The following SLC25A26 variants were observed in gnomAD, a reference collection of about 807,000 sequenced individuals.
The protein encoded by SLC25A26 is solute carrier family 25 member 26, also known as mitochondrial S-adenosylmethionine carrier protein.
SLC25A26 carries 36 observed loss-of-function variants against 37.8 expected under a neutral mutation model. That is an observed-to-expected ratio of 0.95 (90% CI 0.73 to 1.26). The LOEUF (loss-of-function observed/expected upper bound fraction) is 1.26, where lower values mean the gene tolerates loss of function less well. Among genes scored for constraint, SLC25A26 ranks in the 50% most tolerant of loss-of-function variants. SLC25A26 has a pLI of 0.00. For synonymous variants in SLC25A26, 129 were observed against 122.5 expected (o/e 1.05, Z -0.35); for missense variants, 390 against 331.1 (o/e 1.18, Z -1.38).
intron 1 of SLC25A26, among the ~76,000 whole-genome samples, chr3:66,202,216 A>T (rs1207653352): frequency 6.6e-6 from 1 of 152,142 alleles, no homozygotes; most frequent in Non-Finnish European, 1.5e-5. Flanking sequence ...TTGCAGGGAC[A>T]TGGATAAAGC....
chr3:66,194,662 T>C (rs909686710), intron 1 of SLC25A26, among the ~76,000 whole-genome samples: 6 of 152,236 alleles, frequency 3.9e-5, no homozygotes, highest in Non-Finnish European at 8.8e-5. Context: ...TGGAGTGCAA[T>C]GGCACGATCT....
chr3:66,150,252 C>A (rs1392511582), intron 1 of SLC25A26, among the ~76,000 whole-genome samples: 1 of 151,718 alleles, frequency 6.6e-6, no homozygotes, highest in Non-Finnish European at 1.5e-5. Context: ...AATCCCAGTA[C>A]TTTGGGAGGC....
chr3:66,211,496 G>A (rs1036329566), intron 1 of SLC25A26, among the ~76,000 whole-genome samples: 4 of 152,088 alleles, frequency 2.6e-5, no homozygotes, highest in Non-Finnish European at 4.4e-5. Context: ...GGGGTCTTGC[G>A]GCTCTTAATA....
chr3:66,162,385 C>A (rs1576604653), intron 1 of SLC25A26, among the ~76,000 whole-genome samples: 2 of 139,174 alleles, frequency 1.4e-5, no homozygotes, highest in Admixed American at 1.5e-4. Flanking sequence ...GAGGGGGGTG[C>A]ACAACTGAGC....
chr3:66,209,905 TATATA>T (rs2071259193), intron 1 of SLC25A26, among the ~76,000 whole-genome samples: 3 of 19,732 alleles, frequency 1.5e-4, no homozygotes, highest in Non-Finnish European at 2.8e-4. Flanking sequence ...TATTTATATA[TATATA>T]TATATATATA....
At chr3:66,280,052 G>T (rs1250812272) in intron 5 of SLC25A26, among the ~76,000 whole-genome samples, 1 of 152,170 alleles carries the variant, frequency 6.6e-6, no homozygotes, top group Non-Finnish European at 1.5e-5. Context: ...AGACTCTGCT[G>T]ATTTATCTTT....
chr3:66,366,051 C>T (rs942114626), intron 7 of SLC25A26, among the ~76,000 whole-genome samples: 2 of 152,136 alleles, frequency 1.3e-5, no homozygotes, highest in Admixed American at 1.3e-4. Flanking sequence ...TGCATTTGTT[C>T]CCCAAGGAAA....
chr3:66,238,421 C>T (rs1241837326), intron 2 of SLC25A26, among the ~76,000 whole-genome samples: 2 of 151,770 alleles, frequency 1.3e-5, no homozygotes, highest in Admixed American at 1.3e-4. Flanking sequence ...GCTGTGTCAC[C>T]CCCCAGGCTG....
At chr3:66,364,048 C>T (rs1462331982) in intron 7 of SLC25A26, among the ~76,000 whole-genome samples, 1 of 151,944 alleles carries the variant, frequency 6.6e-6, no homozygotes, top group Non-Finnish European at 1.5e-5. Flanking sequence ...TCTCCTGGGC[C>T]CTGGGGACAA....
At chr3:66,247,409 G>A (rs190602345) in intron 3 of SLC25A26, among the ~76,000 whole-genome samples, 9 of 152,220 alleles carry the variant, frequency 5.9e-5, no homozygotes, top group East Asian at 1.9e-4. Flanking sequence ...CTGGGCTCAC[G>A]TGATCCTCTC....
At chr3:66,320,548 G>A (rs913522455) in intron 5 of SLC25A26, among the ~76,000 whole-genome samples, 6 of 152,152 alleles carry the variant, frequency 3.9e-5, no homozygotes, top group African/African-American at 1.4e-4. Flanking sequence ...TGTGAACAAT[G>A]GTATGCAAGG....
At chr3:66,318,994 T>C (rs1257350736) in intron 5 of SLC25A26, among the ~76,000 whole-genome samples, 2 of 152,196 alleles carry the variant, frequency 1.3e-5, no homozygotes, top group Non-Finnish European at 2.9e-5. Flanking sequence ...ATTGCCCGTA[T>C]TGTGACTTGC....
At chr3:66,178,472 C>A (rs2070632429) in intron 1 of SLC25A26, among the ~76,000 whole-genome samples, 1 of 152,102 alleles carries the variant, frequency 6.6e-6, no homozygotes, top group African/African-American at 2.4e-5. Context: ...CAGACGTTGT[C>A]CCTTGTTGTC....
At chr3:66,231,095 A>G (rs1051609906) in intron 1 of SLC25A26, among the ~76,000 whole-genome samples, 2 of 152,198 alleles carry the variant, frequency 1.3e-5, no homozygotes, top group African/African-American at 2.4e-5. Flanking sequence ...GAATCGCTTG[A>G]ACCTGGGAGG....
intron 5 of SLC25A26, among the ~76,000 whole-genome samples, chr3:66,311,132 C>T (rs2075364915): frequency 6.6e-6 from 1 of 152,154 alleles, no homozygotes; most frequent in African/African-American, 2.4e-5. Flanking sequence ...GTACACCAAT[C>T]AATCGTAGGT....
At chr3:66,299,530 A>C (rs143504743) in intron 5 of SLC25A26, among the ~76,000 whole-genome samples, 1 of 152,276 alleles carries the variant, frequency 6.6e-6, no homozygotes, top group East Asian at 1.9e-4. Flanking sequence ...ACTAATATTT[A>C]ACTACTTGTA....
intron 5 of SLC25A26, among the ~76,000 whole-genome samples, chr3:66,277,458 G>T (rs370803213): frequency 1.3e-5 from 2 of 152,014 alleles, no homozygotes; most frequent in Admixed American, 6.6e-5. Context: ...GGGAGATGTT[G>T]TTCAAAGGGT....
rs144222375 is a variant in SLC25A26, at chr3:66,235,161, A to G, written c.34-1383A>G. On this transcript the variant is annotated intron_variant, in intron 1 of 9. Transcript: ENST00000354883. ...ATGATCCTTGTGAATCTAGATCTGTATTTTAATAATCACACATGTAAGGAT... is the reference window on the plus strand; with the variant it reads ...ATGATCCTTGTGAATCTAGATCTGTGTTTTAATAATCACACATGTAAGGAT... Among the ~76,000 whole-genome samples, 4 of 152,310 alleles carry G rather than the reference A, an allele frequency of 2.6e-5. No homozygotes were observed. In the East Asian group the frequency reaches 5.8e-4, roughly 22 times the overall value.
intron 2 of SLC25A26, among the ~76,000 whole-genome samples, chr3:66,237,782 C>T (rs1013526666): frequency 2.6e-5 from 4 of 152,148 alleles, no homozygotes; most frequent in African/African-American, 7.2e-5. Context: ...ATATAAGACA[C>T]ACCCACAAAA....
Sources: gnomAD v4.1 joint callset for allele counts (sites outside exome capture counted in the v4.1 genomes callset) on GRCh38, gnomAD v4.1.1 for gene constraint, MANE v1.5 for transcripts, NCBI Gene and HGNC (gene_info 2026-07-23, HGNC 2026-07-21) for gene names.